Variants in TMLHE observed in about 807,000 individuals in gnomAD.
TMLHE encodes the protein trimethyllysine dioxygenase, mitochondrial.
TMLHE carries 18 observed loss-of-function variants against 25.7 expected under a neutral mutation model. That is an observed-to-expected ratio of 0.70 (90% CI 0.48 to 1.04). The LOEUF (loss-of-function observed/expected upper bound fraction) is 1.04, where lower values mean the gene tolerates loss of function less well. Ranked by LOEUF, TMLHE falls within the 50% of genes least tolerant of loss-of-function variation. TMLHE has a pLI of 0.00. For missense variants in TMLHE, 236 were observed against 259.0 expected (o/e 0.91, Z 0.61); for synonymous variants, 105 against 97.0 (o/e 1.08, Z -0.49).
intron 1 of TMLHE, among the ~76,000 whole-genome samples, chrX:155,554,355 A>G (rs1557340435): frequency 9.0e-6 from 1 of 110,556 alleles, no homozygotes; most frequent in African/African-American, 3.3e-5. Context: ...TGGACCATCT[A>G]AAAACATCTA....
At chrX:155,582,831 C>G (rs1157110115) in intron 1 of TMLHE, among the ~76,000 whole-genome samples, 2 of 112,039 alleles carry the variant, frequency 1.8e-5, no homozygotes, top group Non-Finnish European at 3.8e-5. Context: ...GGTATATACC[C>G]AAAGGATTAT....
At chrX:155,559,451 G>C (rs1557341377) in intron 1 of TMLHE, among the ~76,000 whole-genome samples, 1 of 110,960 alleles carries the variant, frequency 9.0e-6, no homozygotes, top group African/African-American at 3.3e-5. Flanking sequence ...TCCTTTAATA[G>C]AATAATTTGC....
intron 1 of TMLHE, among the ~76,000 whole-genome samples, chrX:155,550,377 A>G (rs1294885939): frequency 6.3e-5 from 7 of 111,060 alleles, no homozygotes; most frequent in African/African-American, 2.0e-4. Flanking sequence ...AGTTCTTTCT[A>G]TAATGTTTTG....
chrX:155,529,316 A>C (rs2067236710), intron 2 of TMLHE, among the ~76,000 whole-genome samples: 1 of 111,948 alleles, frequency 8.9e-6, no homozygotes, highest in Non-Finnish European at 1.9e-5. Context: ...TATTGATAAA[A>C]CTGGCCAAAC....
At chrX:155,504,672 C>A (rs2067066463) in intron 6 of TMLHE, among the ~76,000 whole-genome samples, 1 of 111,185 alleles carries the variant, frequency 9.0e-6, no homozygotes, top group South Asian at 3.7e-4. Context: ...CCAGCAGTTC[C>A]ACTCCTAGGT....
At chrX:155,507,483 G>A (rs1383162431) in intron 5 of TMLHE, among the ~76,000 whole-genome samples, 5 of 108,813 alleles carry the variant, frequency 4.6e-5, no homozygotes, top group Non-Finnish European at 9.6e-5. Flanking sequence ...AATATGATAG[G>A]TACTATAATA....
intron 1 of TMLHE, among the ~76,000 whole-genome samples, chrX:155,546,516 G>A (rs1358041480): frequency 2.7e-5 from 3 of 110,803 alleles, no homozygotes; most frequent in African/African-American, 9.8e-5. Context: ...GTGAGTGCCT[G>A]TGTGTGTGTG....
intron 2 of TMLHE, among the ~76,000 whole-genome samples, chrX:155,538,649 G>A (rs782046035): frequency 8.1e-5 from 9 of 111,524 alleles, no homozygotes; most frequent in Non-Finnish European, 1.7e-4. Flanking sequence ...ACAAACTGAT[G>A]CCCCATATCC....
intron 3 of TMLHE, among the ~76,000 whole-genome samples, chrX:155,523,075 G>A (rs2067198240): frequency 9.0e-6 from 1 of 111,342 alleles, no homozygotes; most frequent in African/African-American, 3.3e-5. Flanking sequence ...ATCTCATTGT[G>A]ATACTAACTT....
In TMLHE at chrX:155,556,479, T is replaced by C. The variant is rs781945719; in HGVS notation, c.-1-11202A>G. 2.4e-3 allele frequency among the ~76,000 whole-genome samples: 261 copies of C among 110,273 alleles called. 2 individuals are homozygous for C. Among genetic ancestry groups the C allele is most frequent in the Non-Finnish European group, 4.3e-3 (226 of 52,668 alleles). On this transcript the variant is annotated intron_variant, in intron 1 of 7. Coordinates refer to ENST00000334398, the MANE Select transcript of TMLHE (RefSeq NM_018196.4). The stretch of plus-strand genomic sequence containing the variant: ...AGACATCACACATTGGTAGGATCCG[T>C]GATGCCCCACAAGCCACAAAAACCA...
At chrX:155,533,373 GCACA>G (rs1268217379) in intron 2 of TMLHE, among the ~76,000 whole-genome samples, 2 of 51,305 alleles carry the variant, frequency 3.9e-5, no homozygotes, top group Non-Finnish European at 1.0e-4. Context: ...ACACACACGT[GCACA>G]CGCACACACA....
At chrX:155,548,506 C>A (rs782818373) in intron 1 of TMLHE, among the ~76,000 whole-genome samples, 1 of 108,104 alleles carries the variant, frequency 9.3e-6, no homozygotes, top group Admixed American at 9.6e-5. Context: ...GAGGTCAAGG[C>A]GGGCGGATCA....
intron 1 of TMLHE, among the ~76,000 whole-genome samples, chrX:155,573,833 T>C: frequency 2.8e-5 from 1 of 35,877 alleles, no homozygotes; most frequent in African/African-American, 1.3e-4. Context: ...GGGACTGTTG[T>C]GGGGTGGGGG....
intron 1 of TMLHE, among the ~76,000 whole-genome samples, chrX:155,550,596 A>C (rs2067408097): frequency 9.0e-6 from 1 of 111,161 alleles, no homozygotes; most frequent in Admixed American, 9.5e-5. Context: ...CAATTCCTGA[A>C]GCAACACATT....
intron 1 of TMLHE, among the ~76,000 whole-genome samples, chrX:155,557,673 A>G (rs1368732295): frequency 9.0e-6 from 1 of 111,131 alleles, no homozygotes; most frequent in African/African-American, 3.3e-5. Flanking sequence ...TCCTATCCTC[A>G]TGAAGCACCT....
At chrX:155,534,920 A>C in intron 2 of TMLHE, among the ~76,000 whole-genome samples, 1 of 111,597 alleles carries the variant, frequency 9.0e-6, no homozygotes, top group Non-Finnish European at 1.9e-5. Flanking sequence ...TTAGGCCATG[A>C]AGGTAGATTC....
chrX:155,612,064 A>G (rs1479742500), intron 1 of TMLHE: 1 of 112,241 alleles, frequency 8.9e-6, no homozygotes, highest in Non-Finnish European at 1.9e-5. Flanking sequence ...CTCAACACAC[A>G]TCATTTTAGG....
At chrX:155,513,950 T>A (rs782605489) in intron 4 of TMLHE, 36 bp downstream of exon 4, 1 of 1,171,700 alleles carries the variant, frequency 8.5e-7, no homozygotes, top group South Asian at 1.9e-5. Flanking sequence ...GGAAATTAAT[T>A]ATAATACTGT....
intron 5 of TMLHE, among the ~76,000 whole-genome samples, chrX:155,509,588 T>C (rs1231199809): frequency 8.9e-6 from 1 of 111,855 alleles, no homozygotes; most frequent in Non-Finnish European, 1.9e-5. Flanking sequence ...TCATTTCCTC[T>C]TTTTTCCTTC....
Sources: allele counts gnomAD v4.1 joint callset (sites outside exome capture counted in the v4.1 genomes callset), GRCh38; gene constraint gnomAD v4.1.1; transcripts MANE v1.5; gene names NCBI Gene and HGNC (gene_info 2026-07-23, HGNC 2026-07-21).